RASGRP3: variants seen among roughly 807,000 people sequenced by gnomAD.
The protein encoded by RASGRP3 is ras guanyl-releasing protein 3.
Under a neutral mutation model 82.7 loss-of-function variants are expected in RASGRP3, and 54 were observed. The ratio of observed to expected loss-of-function variants is 0.65; its 90% CI spans 0.52 to 0.82. The LOEUF (loss-of-function observed/expected upper bound fraction) is 0.82, where lower values mean the gene tolerates loss of function less well. RASGRP3 is among the 40% of genes least tolerant of loss of function. The pLI, the probability that RASGRP3 is intolerant of heterozygous loss-of-function variation, is 0.00. For missense variants in RASGRP3, 861 were observed against 828.9 expected, an observed-to-expected ratio of 1.04 and a Z score of -0.48; for synonymous variants, 309 against 300.5, an observed-to-expected ratio of 1.03 and a Z score of -0.29.
At chr2:33,492,644 C>T (rs1236223192) in intron 1 of RASGRP3, among the ~76,000 whole-genome samples, 1 of 152,174 alleles carries the variant, frequency 6.6e-6, no homozygotes, top group Non-Finnish European at 1.5e-5. Flanking sequence ...TGTGAGAACA[C>T]AGGAAGAAGG....
rs1668365502 is a variant in RASGRP3 at position 33,486,216 on chromosome 2, G to A, written c.-261+9509G>A. Among the ~76,000 whole-genome samples the A allele has an allele frequency of 2.7e-5, 4 of 148,476 alleles. No individual in the cohort carries two copies. In the South Asian group the frequency reaches 8.4e-4, roughly 31 times the overall value. Reference sequence around the variant, plus strand: ...GTCTCACTCTGTCACCTAGTCTGGGGTATAGTGGCACAATCTTGGCTCACT... The same window carrying A: ...GTCTCACTCTGTCACCTAGTCTGGGATATAGTGGCACAATCTTGGCTCACT... On this transcript the variant is annotated intron_variant, in intron 1 of 17. Coordinates refer to ENST00000403687, the MANE Select transcript of RASGRP3 (RefSeq NM_001139488.2).
chr2:33,437,640 C>A, intron 1 of RASGRP3, among the ~76,000 whole-genome samples: 1 of 152,220 alleles, frequency 6.6e-6, no homozygotes, highest in East Asian at 1.9e-4. Flanking sequence ...GCAGAACCAG[C>A]TAGAACCGGC....
At chr2:33,484,235 C>A (rs942021002) in intron 1 of RASGRP3, among the ~76,000 whole-genome samples, 39 of 152,204 alleles carry the variant, frequency 2.6e-4, no homozygotes, top group African/African-American at 8.9e-4. Context: ...AAGAAATGTC[C>A]TTTTCTGGCC....
At position 33,495,921 on chromosome 2, in the gene RASGRP3, T is replaced by TC. The variant is rs545048698; in HGVS notation, c.-260-15787dup. On this transcript the variant is annotated intron_variant, in intron 1 of 17. Coordinates refer to ENST00000403687, the MANE Select transcript of RASGRP3 (RefSeq NM_001139488.2). The stretch of plus-strand genomic sequence containing the variant: ...GTCAGTCAGTTGCTGCTCAGCTCCA[T>TC]CCAAATGTTGCCTCATGGGGATGCA... Among the ~76,000 whole-genome samples, 131 of 152,296 alleles carry TC rather than the reference T, an allele frequency of 8.6e-4. No individual in the cohort carries two copies. The South Asian group carries it at 9.5e-3, about 11-fold the overall frequency.
At chr2:33,469,858 A>T (rs188714706) in intron 2 of RASGRP3, among the ~76,000 whole-genome samples, 1 of 152,188 alleles carries the variant, frequency 6.6e-6, no homozygotes, top group African/African-American at 2.4e-5. Context: ...ATAGTTAATG[A>T]TTTAACCTGT....
chr2:33,460,012 A>G (rs1375358584), intron 2 of RASGRP3, among the ~76,000 whole-genome samples: 2 of 152,228 alleles, frequency 1.3e-5, no homozygotes, highest in Admixed American at 1.3e-4. Flanking sequence ...TAAATGAATA[A>G]CTTTGCAATC....
At chr2:33,465,969 CAA>C (rs60914898) in intron 2 of RASGRP3, among the ~76,000 whole-genome samples, 27,787 of 130,296 alleles carry the variant, frequency 0.21, 2,961 homozygotes, top group African/African-American at 0.31. Context: ...ACTTACTGCT[CAA>C]AAAAAAAAAA....
intron 1 of RASGRP3, among the ~76,000 whole-genome samples, chr2:33,492,185 A>C (rs550012172): frequency 5.7e-4 from 87 of 152,314 alleles, no homozygotes; most frequent in African/African-American, 2.1e-3. Flanking sequence ...CATTTGCTTT[A>C]AGGTAATAAA....
intron 4 of RASGRP3, among the ~76,000 whole-genome samples, chr2:33,517,462 C>T (rs906866911): frequency 6.6e-6 from 1 of 152,148 alleles, no homozygotes; most frequent in Non-Finnish European, 1.5e-5. Context: ...AGAGGCACAG[C>T]CTTAGAGGGA....
intron 2 of RASGRP3, among the ~76,000 whole-genome samples, chr2:33,466,846 C>A (rs1666724609): frequency 1.3e-5 from 2 of 152,162 alleles, no homozygotes. Context: ...AGGAAAACTT[C>A]TATGGCTGCT....
chr2:33,472,308 A>AT (rs1391194407), upstream of RASGRP3, among the ~76,000 whole-genome samples: 1 of 152,212 alleles, frequency 6.6e-6, no homozygotes, highest in Non-Finnish European at 1.5e-5. Flanking sequence ...CCGCAGCGAA[A>AT]TGTACAAAAG....
At chr2:33,544,066 C>T (rs1674514819) in intron 13 of RASGRP3, among the ~76,000 whole-genome samples, 1 of 152,158 alleles carries the variant, frequency 6.6e-6, no homozygotes, top group Non-Finnish European at 1.5e-5. Flanking sequence ...GTAATCCCAG[C>T]ACTTTGGGAG....
At chr2:33,553,508 G>A (rs1027181163) in intron 14 of RASGRP3, among the ~76,000 whole-genome samples, 6 of 152,082 alleles carry the variant, frequency 3.9e-5, no homozygotes, top group African/African-American at 1.4e-4. Flanking sequence ...TTTCCAGGTT[G>A]TGGGAGATTG....
intron 1 of RASGRP3, among the ~76,000 whole-genome samples, chr2:33,507,686 T>A (rs928727894): frequency 2.0e-5 from 3 of 152,182 alleles, no homozygotes; most frequent in Non-Finnish European, 4.4e-5. Context: ...CCACCACGCC[T>A]GGCTACTTCT....
chr2:33,466,933 T>C (rs1430519525), intron 2 of RASGRP3, among the ~76,000 whole-genome samples: 1 of 152,116 alleles, frequency 6.6e-6, no homozygotes, highest in East Asian at 1.9e-4. Flanking sequence ...TGCTGCTCAC[T>C]CGTTGTGGGC....
intron 1 of RASGRP3, among the ~76,000 whole-genome samples, chr2:33,500,211 A>T (rs1159708582): frequency 6.6e-6 from 1 of 151,830 alleles, no homozygotes; most frequent in Non-Finnish European, 1.5e-5. Context: ...GAGGGAGGGA[A>T]TGCAGGGGGC....
chr2:33,459,901 A>G (rs1574246509), intron 2 of RASGRP3, among the ~76,000 whole-genome samples: 1 of 152,152 alleles, frequency 6.6e-6, no homozygotes, highest in African/African-American at 2.4e-5. Flanking sequence ...CCATATTAGA[A>G]TTTGTTCAAG....
In RASGRP3 at chr2:33,534,308, C is replaced by A; in HGVS notation, c.1084-15C>A. The A allele has an allele frequency of 6.6e-7, 1 of 1,519,286 alleles. No individual in the cohort carries two copies. The highest frequency in any genetic ancestry group is 9.1e-7 in the Non-Finnish European group (1 of 1,097,782). The allele number at this position is 1,519,286 out of a possible 1,614,324, so 94.1% of individuals were successfully genotyped here. A position where few individuals can be genotyped will look rare whatever the true frequency, so the allele number is the denominator to read the frequency against. The stretch of plus-strand genomic sequence containing the variant: ...ATGTAATCCGACATTTTTATCCCTT[C>A]TAATTTTGTTGTAGCTTTCCCTGGA... On this transcript the variant is annotated splice_polypyrimidine_tract_variant and intron_variant, in intron 10 of 17. Coordinates refer to ENST00000403687, the MANE Select transcript of RASGRP3 (RefSeq NM_001139488.2).
intron 15 of RASGRP3, 124 bp downstream of exon 15, chr2:33,555,691 CA>C (rs1675874935): frequency 1.2e-6 from 1 of 824,874 alleles, no homozygotes; most frequent in African/African-American, 1.7e-5. Context: ...GGGTCAACGG[CA>C]ACTGAGAATG....
Sources: gnomAD v4.1 joint callset for allele counts (sites outside exome capture counted in the v4.1 genomes callset) on GRCh38, gnomAD v4.1.1 for gene constraint, MANE v1.5 for transcripts, NCBI Gene and HGNC (gene_info 2026-07-23, HGNC 2026-07-21) for gene names.